The following CD46 variants were observed in gnomAD, a reference collection of about 807,000 sequenced individuals.
CD46 encodes the protein membrane cofactor protein.
In CD46, 30 loss-of-function variants were observed where a neutral mutation model predicts 53.3. The ratio of observed to expected loss-of-function variants is 0.56; its 90% CI spans 0.42 to 0.76. The LOEUF (loss-of-function observed/expected upper bound fraction) is 0.76. Among genes scored for constraint, CD46 ranks in the 30% least tolerant of loss-of-function variants. The pLI, the probability that CD46 is intolerant of heterozygous loss-of-function variation, is 0.00. For synonymous variants in CD46, 142 were observed against 152.0 expected (o/e 0.93, Z 0.48); for missense variants, 409 against 463.0 (o/e 0.88, Z 1.07).
At chr1:207,758,794 A>G (rs1655859214) in intron 3 of CD46, among the ~76,000 whole-genome samples, 1 of 152,240 alleles carries the variant, frequency 6.6e-6, no homozygotes, top group African/African-American at 2.4e-5. Flanking sequence ...GTTGACACAT[A>G]CTGCTTGCTA....
chr1:207,789,333 A>C (rs745334844), intron 11 of CD46, among the ~76,000 whole-genome samples: 5 of 152,192 alleles, frequency 3.3e-5, no homozygotes, highest in Non-Finnish European at 7.3e-5. Flanking sequence ...ATGTTACATT[A>C]ATATTGACTG....
chr1:207,784,803 C>G (rs1659117947), intron 9 of CD46, among the ~76,000 whole-genome samples: 1 of 152,074 alleles, frequency 6.6e-6, no homozygotes, highest in African/African-American at 2.4e-5. Flanking sequence ...GTATGAGAAC[C>G]AAGTGAAGGA....
chr1:207,792,405 T>C (rs191868818), intron 12 of CD46, among the ~76,000 whole-genome samples: 1 of 152,178 alleles, frequency 6.6e-6, no homozygotes, highest in Non-Finnish European at 1.5e-5. Flanking sequence ...AGTATAGTAA[T>C]GACGCAGTAG....
At chr1:207,759,201 G>A (rs1393171739) in intron 3 of CD46, among the ~76,000 whole-genome samples, 1 of 152,178 alleles carries the variant, frequency 6.6e-6, no homozygotes, top group Non-Finnish European at 1.5e-5. Context: ...AGGAAGCTGA[G>A]TGAAGGAACT....
Position 207,786,320 on chromosome 1 carries a change from A to G in CD46, c.1082+638A>G, listed in dbSNP as rs859705. ...AAAATTGCTGAGAGGGGTTAGATCT[A>G]TAAGGTACCTCAATTAACTGTGTCT... On this transcript the variant is annotated intron_variant, in intron 11 of 12. Transcript: ENST00000367042. Among the ~76,000 whole-genome samples, 95,725 of 152,138 alleles carry G rather than the reference A, an allele frequency of 0.63. 30,466 individuals carry two copies. The highest frequency in any genetic ancestry group is 0.86 in the East Asian group (4,474 of 5,178).
At chr1:207,769,767 CTT>C (rs894608374) in intron 7 of CD46, 2 of 149,216 alleles carry the variant, frequency 1.3e-5, no homozygotes, top group Non-Finnish European at 1.5e-5. Flanking sequence ...AGCACATTCC[CTT>C]TTTTTTTTTT....
At chr1:207,780,904 A>C (rs41317953) in intron 8 of CD46, among the ~76,000 whole-genome samples, 3,460 of 151,898 alleles carry the variant, frequency 0.023, 129 homozygotes, top group African/African-American at 0.078. Flanking sequence ...TCATAATATG[A>C]TGGAAGGCAT....
intron 11 of CD46, among the ~76,000 whole-genome samples, chr1:207,786,397 G>A (rs1354917018): frequency 6.6e-6 from 1 of 152,034 alleles, no homozygotes; most frequent in Non-Finnish European, 1.5e-5. Flanking sequence ...GAAGAAAAAT[G>A]TACAAGTACA....
intron 5 of CD46, among the ~76,000 whole-genome samples, chr1:207,765,616 C>T (rs1365640011): frequency 6.6e-6 from 1 of 152,062 alleles, no homozygotes; most frequent in Non-Finnish European, 1.5e-5. Flanking sequence ...AATGAGATGC[C>T]ACTAAATACC....
intron 1 of CD46, among the ~76,000 whole-genome samples, chr1:207,754,360 CCTT>C (rs1159725639): frequency 1.3e-5 from 2 of 152,158 alleles, no homozygotes; most frequent in African/African-American, 4.8e-5. Flanking sequence ...CCCTCAGAGA[CCTT>C]CTCTGATCAC....
chr1:207,767,584 T>C (rs745837573), intron 6 of CD46, 195 bp from the exon 7 acceptor site: 1 of 1,597,508 alleles, frequency 6.3e-7, no homozygotes, highest in Non-Finnish European at 8.6e-7. Flanking sequence ...TGGTTGATCT[T>C]CTAACATTAT....
intron 8 of CD46, among the ~76,000 whole-genome samples, chr1:207,773,210 T>C (rs1235904038): frequency 6.6e-6 from 1 of 152,212 alleles, no homozygotes; most frequent in Non-Finnish European, 1.5e-5. Flanking sequence ...TATTCTCTGA[T>C]GGTAGTTTGT....
chr1:207,781,325 C>T (rs761181626), intron 8 of CD46, among the ~76,000 whole-genome samples: 6 of 151,832 alleles, frequency 4.0e-5, no homozygotes, highest in Admixed American at 6.6e-5. Context: ...TTTATATGTT[C>T]TGGATATTAC....
intron 9 of CD46, chr1:207,783,580 A>G (rs759882746): frequency 6.3e-6 from 2 of 318,220 alleles, no homozygotes; most frequent in Non-Finnish European, 1.2e-5. Flanking sequence ...CCTTAAAGCA[A>G]TCTAAGTTGG....
intron 8 of CD46, among the ~76,000 whole-genome samples, chr1:207,777,111 C>G (rs1466140828): frequency 1.3e-5 from 2 of 151,880 alleles, no homozygotes; most frequent in Non-Finnish European, 2.9e-5. Flanking sequence ...TTTCCAGGTT[C>G]TTTTGTTTTG....
chr1:207,761,200 G>T, intron 4 of CD46, 49 bp from the exon 5 acceptor site: 1 of 1,206,964 alleles, frequency 8.3e-7, no homozygotes, highest in Admixed American at 1.9e-5. Flanking sequence ...TTTTACTAAT[G>T]CTGTCTTAAT....
At position 207,770,377 on chromosome 1, in the gene CD46, T is replaced by G. The variant is rs202039317; in HGVS notation, c.943+15T>G. The stretch of plus-strand genomic sequence containing the variant: ...AAATTATCCAGGTTGGTTAACTCTT[T>G]ATCCTACTGATATTGTTAAGAATTT... On this transcript the variant is annotated intron_variant, in intron 8 of 12. Coordinates refer to ENST00000367042, the MANE Select transcript of CD46 (RefSeq NM_172351.3). 44 of 1,525,988 alleles carry G rather than the reference T, an allele frequency of 2.9e-5. No individual in the cohort carries two copies. The Middle Eastern group carries it at 1.1e-3, about 38-fold the overall frequency. 94.5% of individuals were successfully genotyped at this position (1,525,988 alleles called of 1,614,324 possible).
At chr1:207,754,405 A>G (rs1319746511) in intron 1 of CD46, among the ~76,000 whole-genome samples, 1 of 152,066 alleles carries the variant, frequency 6.6e-6, no homozygotes, top group Non-Finnish European at 1.5e-5. Flanking sequence ...CTCAGGTTGA[A>G]CACATACAAC....
intron 12 of CD46, among the ~76,000 whole-genome samples, chr1:207,791,614 T>C (rs757682836): frequency 2.0e-5 from 3 of 152,250 alleles, no homozygotes; most frequent in Non-Finnish European, 2.9e-5. Flanking sequence ...AACGTAGTTC[T>C]GTAATTTTCC....
Sources: allele counts gnomAD v4.1 joint callset (sites outside exome capture counted in the v4.1 genomes callset), GRCh38; gene constraint gnomAD v4.1.1; transcripts MANE v1.5; gene names NCBI Gene and HGNC (gene_info 2026-07-23, HGNC 2026-07-21).